The following TMEM39B variants were observed in gnomAD, a reference collection of about 807,000 sequenced individuals.
TMEM39B encodes the protein transmembrane protein 39B.
Under a neutral mutation model 52.2 loss-of-function variants are expected in TMEM39B, and 23 were observed. The ratio of observed to expected loss-of-function variants is 0.44; its 90% CI spans 0.32 to 0.62. The LOEUF (loss-of-function observed/expected upper bound fraction) is 0.62, where lower values mean the gene tolerates loss of function less well. Ranked by LOEUF, TMEM39B falls within the 20% of genes least tolerant of loss-of-function variation. TMEM39B has a pLI of 0.06. For synonymous variants in TMEM39B, 285 were observed against 264.0 expected, an observed-to-expected ratio of 1.08 and a Z score of -0.77; for missense variants, 547 against 642.0, an observed-to-expected ratio of 0.85 and a Z score of 1.60.
chr1:32,090,428 A>T (rs2491200), intron 5 of TMEM39B, among the ~76,000 whole-genome samples: 1 of 151,912 alleles, frequency 6.6e-6, no homozygotes, highest in Admixed American at 6.6e-5. Flanking sequence ...CACCCATAAC[A>T]ACTCATTACT....
intron 7 of TMEM39B, among the ~76,000 whole-genome samples, chr1:32,099,561 G>A (rs1382474432): frequency 6.6e-6 from 1 of 152,144 alleles, no homozygotes; most frequent in Non-Finnish European, 1.5e-5. Flanking sequence ...TTACCAGAAG[G>A]ATTAGGCTTT....
At chr1:32,073,163 G>A in intron 1 of TMEM39B, 112 bp downstream of exon 1, 2 of 1,321,476 alleles carry the variant, frequency 1.5e-6, no homozygotes, top group East Asian at 3.1e-5. Context: ...GGGAGGGGGA[G>A]GGGATGCGAG....
rs946318748 is a variant in TMEM39B at position 32,073,211 on chromosome 1, G to C, written c.4+160G>C. 5.6e-6 allele frequency: 5 copies of C among 892,788 alleles called. No homozygotes were observed. In the African/African-American group the frequency reaches 8.8e-5, roughly 16 times the overall value. The allele number at this position is 892,788 out of a possible 1,614,324, so 55.3% of individuals were successfully genotyped here. Reference sequence around the variant, plus strand: ...CCCGCCCCCTCCTGTCGTTTTGCGGGGTGGGGCCTCTGTTGTGGGGGCGGG... The same window carrying C: ...CCCGCCCCCTCCTGTCGTTTTGCGGCGTGGGGCCTCTGTTGTGGGGGCGGG... On this transcript the variant is annotated intron_variant, in intron 1 of 8. Coordinates refer to ENST00000336294, the MANE Select transcript of TMEM39B (RefSeq NM_018056.4).
At chr1:32,072,188 C>G (rs1351468626), upstream of TMEM39B, 2 of 152,206 alleles carry the variant, frequency 1.3e-5, no homozygotes, top group Non-Finnish European at 2.9e-5. Flanking sequence ...AGCAATGGAG[C>G]TACAAGATGA....
rs1234452273 is a variant in TMEM39B, at chr1:32,100,555, G to A, written c.1229G>A (p.Arg410His). 7 of 1,614,118 alleles carry A rather than the reference G, an allele frequency of 4.3e-6. No individual in the cohort carries two copies. The highest frequency in any genetic ancestry group is 1.1e-5 in the South Asian group (1 of 91,080). Residue 410 changes from arginine to histidine, a missense_variant, in exon 8 of 9, where the codon CGC becomes CAC. By Grantham distance (29) the Arg-to-His change is conservative. Coordinates refer to ENST00000336294, the MANE Select transcript of TMEM39B (RefSeq NM_018056.4). The stretch of plus-strand genomic sequence containing the variant: ...ATCCCCTCTGACGTCTCCCACTTCC[G>A]CTTCCATGTGAGTCTCCTCCCCGGG... ...VAIPSDVSHF[R>H]FHFFFSKPLR...
chr1:32,075,789 T>TG lies in TMEM39B; in HGVS notation c.318_319insG (p.Pro107AlafsTer168). 1 of 1,534,952 alleles carries TG rather than the reference T, an allele frequency of 6.5e-7. No homozygotes were observed. Among genetic ancestry groups the TG allele is most frequent in the Non-Finnish European group, 8.8e-7 (1 of 1,134,752 alleles). On this transcript the variant is annotated frameshift_variant, in exon 3 of 9. Transcript: ENST00000336294. LOFTEE classifies it high-confidence loss of function. ...ACATCTACAAGACAGTGTGGTGGTA[T>TG]CCACCTTCCCACCCACCCTCCCACA...
chr1:32,100,394 T>C, intron 7 of TMEM39B, 48 bp from the exon 8 acceptor site: 1 of 1,513,592 alleles, frequency 6.6e-7, no homozygotes. Flanking sequence ...TGGTATCCCT[T>C]TTGTGGGTGA....
In TMEM39B at chr1:32,102,735, T is replaced by C. The variant is rs1641067137; in HGVS notation, c.*62T>C. 1 of 1,420,468 alleles carries C rather than the reference T, an allele frequency of 7.0e-7. No individual in the cohort carries two copies. 88.0% of individuals were successfully genotyped at this position (1,420,468 alleles called of 1,614,324 possible). A position where few individuals can be genotyped will look rare whatever the true frequency, so the allele number is the denominator to read the frequency against. ...AGCCAAGGGCTCCCTGGCAAGGGGC[T>C]GTTGGGTAGAAGTGGTGGTGGGGGG... On this transcript the variant is annotated 3_prime_UTR_variant, in exon 9 of 9. Transcript: ENST00000336294.
chr1:32,102,335 G>A lies in TMEM39B; in HGVS notation c.1237-96G>A. The A allele has an allele frequency of 3.3e-6, 5 of 1,521,726 alleles. No individual in the cohort carries two copies. In the Admixed American group the frequency reaches 8.2e-5, roughly 25 times the overall value. The allele number at this position is 1,521,726 out of a possible 1,614,324, so 94.3% of individuals were successfully genotyped here. A position where few individuals can be genotyped will look rare whatever the true frequency, so the allele number is the denominator to read the frequency against. ...CCACCCATGTCTGCATGGGGCCCCA[G>A]GAGGCTGTCCCCTTCACTGGCCCAC... is the stretch of plus-strand genomic sequence containing the variant. On this transcript the variant is annotated intron_variant, in intron 8 of 8. Coordinates refer to ENST00000336294, the MANE Select transcript of TMEM39B (RefSeq NM_018056.4).
chr1:32,096,207 C>G (rs987611403), intron 7 of TMEM39B, among the ~76,000 whole-genome samples: 4 of 152,066 alleles, frequency 2.6e-5, no homozygotes, highest in Non-Finnish European at 5.9e-5. Flanking sequence ...TCTTTCTATC[C>G]TGATTAACTC....
At chr1:32,090,197 TCA>T in intron 5 of TMEM39B, among the ~76,000 whole-genome samples, 1 of 152,186 alleles carries the variant, frequency 6.6e-6, no homozygotes, top group South Asian at 2.1e-4. Flanking sequence ...TGGCACTTAC[TCA>T]GTTTTTATAA....
chr1:32,093,399 C>CTTT lies in TMEM39B; in HGVS notation c.928-1357_928-1355dup, dbSNP rs34793281. On this transcript the variant is annotated intron_variant, in intron 6 of 8. Coordinates refer to ENST00000336294, the MANE Select transcript of TMEM39B (RefSeq NM_018056.4). ...TAGCCATGAGCCACCAAGCCCGGCC[C>CTTT]TTTTTTTTTTTTTTTTTTTTTTTTT... is the stretch of plus-strand genomic sequence containing the variant. Among the ~76,000 whole-genome samples, 9 of 50,336 alleles carry CTTT rather than the reference C, an allele frequency of 1.8e-4. 1 individual carries two copies. Among genetic ancestry groups the CTTT allele is most frequent in the Admixed American group, 3.0e-4 (1 of 3,326 alleles). 33.0% of individuals were successfully genotyped at this position (50,336 alleles called of 152,430 possible). A position where few individuals can be genotyped will look rare whatever the true frequency, so the allele number is the denominator to read the frequency against.
chr1:32,098,576 C>CA (rs1195848716), intron 7 of TMEM39B, among the ~76,000 whole-genome samples: 3 of 151,872 alleles, frequency 2.0e-5, no homozygotes, highest in African/African-American at 7.2e-5. Context: ...TCTAAAAATA[C>CA]AAAAAAATTA....
chr1:32,100,513 G>A lies in TMEM39B; in HGVS notation c.1187G>A (p.Gly396Asp), dbSNP rs756106866. The A allele has an allele frequency of 1.2e-6, 2 of 1,613,916 alleles. No individual in the cohort carries two copies. Among genetic ancestry groups the A allele is most frequent in the African/African-American group, 2.7e-5 (2 of 74,940 alleles). The part of the protein sequence containing the change: ...KHSKNVYKAV[G>D]HYNVAIPSDV... ...AGCAAGAACGTCTACAAAGCCGTAG[G>A]CCACTACAACGTGGCTATCCCCTCT... is the stretch of plus-strand genomic sequence containing the variant. Residue 396 changes from glycine to aspartate, a missense_variant, in exon 8 of 9, where the codon GGC becomes GAC. Transcript: ENST00000336294.
chr1:32,073,861 T>TC, intron 1 of TMEM39B: 9 of 985,398 alleles, frequency 9.1e-6, no homozygotes, highest in Non-Finnish European at 1.1e-5. Flanking sequence ...GCTGCTGTGT[T>TC]ACTGTGAAGA....
chr1:32,094,500 C>T (rs1187762663), intron 6 of TMEM39B, among the ~76,000 whole-genome samples: 2 of 152,120 alleles, frequency 1.3e-5, no homozygotes, highest in African/African-American at 2.4e-5. Context: ...CCCAATGTCA[C>T]ATAAATAAGC....
At chr1:32,099,238 A>T in intron 7 of TMEM39B, among the ~76,000 whole-genome samples, 1 of 151,898 alleles carries the variant, frequency 6.6e-6, no homozygotes. Context: ...GTCTCAAAAA[A>T]AAAAAAACAC....
At chr1:32,087,008 G>T (rs879488715) in intron 5 of TMEM39B, 5 of 152,166 alleles carry the variant, frequency 3.3e-5, no homozygotes, top group Non-Finnish European at 7.4e-5. Context: ...GACTACAGGT[G>T]TGTGCCAGCA....
In TMEM39B at chr1:32,094,982, C is replaced by T. The variant is rs1463425178; in HGVS notation, c.1115+11C>T. 3 of 1,611,468 alleles carry T rather than the reference C, an allele frequency of 1.9e-6. No homozygotes were observed. The highest frequency in any genetic ancestry group is 1.7e-6 in the Non-Finnish European group (2 of 1,179,218). On this transcript the variant is annotated intron_variant, in intron 7 of 8. Transcript: ENST00000336294. ...CGTGCTGCAGCACCCGTGAGTCACC[C>T]TACCCTGCTCAACCCAATCCCAGCC...
Sources: allele counts gnomAD v4.1 joint callset (sites outside exome capture counted in the v4.1 genomes callset), GRCh38; gene constraint gnomAD v4.1.1; transcripts MANE v1.5; gene names NCBI Gene and HGNC (gene_info 2026-07-23, HGNC 2026-07-21).